The following CHD7 variants were observed in gnomAD, a reference collection of about 807,000 sequenced individuals.
The protein encoded by CHD7 is ATP-dependent chromatin remodeler CHD7.
In CHD7, 24 loss-of-function variants were observed where a neutral mutation model predicts 307.3. The ratio of observed to expected loss-of-function variants is 0.08; its 90% CI spans 0.06 to 0.11. The LOEUF (loss-of-function observed/expected upper bound fraction) is 0.11. CHD7 is among the 10% of genes least tolerant of loss of function. CHD7 has a pLI of 1.00. For missense variants in CHD7, 3,106 were observed against 3,727.1 expected (o/e 0.83, Z 4.34); for synonymous variants, 1,363 against 1,349.9 (o/e 1.01, Z -0.21).
chr8:60,736,558 C>T (rs771943665), intron 1 of CHD7, among the ~76,000 whole-genome samples: 1 of 152,106 alleles, frequency 6.6e-6, no homozygotes, highest in Non-Finnish European at 1.5e-5. Context: ...CCACCCTCAT[C>T]CCCAGAATCA....
At chr8:60,832,960 G>T (rs1384727497) in intron 15 of CHD7, among the ~76,000 whole-genome samples, 1 of 152,192 alleles carries the variant, frequency 6.6e-6, no homozygotes, top group South Asian at 2.1e-4. Context: ...AGGTGTCTTT[G>T]TCCCTAAATT....
At chr8:60,695,852 A>G (rs1446502222) in intron 1 of CHD7, among the ~76,000 whole-genome samples, 1 of 152,200 alleles carries the variant, frequency 6.6e-6, no homozygotes, top group Non-Finnish European at 1.5e-5. Context: ...ATATGGTGAG[A>G]CCTGCACACT....
intron 21 of CHD7, among the ~76,000 whole-genome samples, chr8:60,844,183 G>A (rs575367907): frequency 2.0e-5 from 3 of 152,326 alleles, no homozygotes; most frequent in Admixed American, 2.0e-4. Flanking sequence ...TTTAGCCTGG[G>A]ATTATAACAC....
rs1064794416 is a variant in CHD7 at position 60,795,081 on chromosome 8, C to T, written c.2192C>T (p.Pro731Leu). Residue 731 changes from proline (P) to leucine (L), a missense_variant, in exon 4 of 38, where the codon CCC becomes CTC. By Grantham distance (98) the Pro-to-Leu change is moderately conservative. Coordinates refer to ENST00000423902, the MANE Select transcript of CHD7 (RefSeq NM_017780.4). Reference protein sequence around the residue: ...GSENSDLDKTPPPSPPPEEDE... With the variant: ...GSENSDLDKTLPPSPPPEEDE... ...GAAAATTCAGACTTAGACAAAACAC[C>T]CCCACCATCTCCTCCTCCTGAAGAA... The T allele has an allele frequency of 1.2e-5, 19 of 1,613,474 alleles. No homozygotes were observed. The highest frequency in any genetic ancestry group is 1.6e-5 in the Non-Finnish European group (19 of 1,179,696).
chr8:60,687,691 C>T (rs1223794820), intron 1 of CHD7, among the ~76,000 whole-genome samples: 2 of 152,166 alleles, frequency 1.3e-5, no homozygotes, highest in Non-Finnish European at 1.5e-5. Context: ...GGTAGTTACT[C>T]AGCTGAGTGT....
Position 60,678,821 on chromosome 8 carries a change from G to T in CHD7, c.-436G>T. On this transcript the variant is annotated 5_prime_UTR_variant, in exon 1 of 38. Transcript: ENST00000423902. ...CGGCGGCGGCGGCGGCGCGGGGGTT[G>T]AGTCGTGGTGGTGCGGACGCGCTCG... 6.7e-6 allele frequency: 1 copy of T among 148,540 alleles called. No individual in the cohort carries two copies. Among genetic ancestry groups the T allele is most frequent in the South Asian group, 1.8e-4 (1 of 5,604 alleles). The allele number at this position is 148,540 out of a possible 1,614,324, so 9.2% of individuals were successfully genotyped here. A position where few individuals can be genotyped will look rare whatever the true frequency, so the allele number is the denominator to read the frequency against.
chr8:60,862,724 C>G (rs1806058128), intron 37 of CHD7, 72 bp downstream of exon 37: 1 of 1,015,402 alleles, frequency 9.8e-7, no homozygotes, highest in Non-Finnish European at 1.5e-6. Flanking sequence ...TTCTTATTTT[C>G]TGTTGGCCAT....
At position 60,742,470 on chromosome 8, in the gene CHD7, A is replaced by G. The variant is rs535285405; in HGVS notation, c.1038A>G (p.Arg346=). 1.2e-6 allele frequency: 2 copies of G among 1,614,014 alleles called. No individual in the cohort carries two copies. The highest frequency in any genetic ancestry group is 1.7e-5 in the Admixed American group (1 of 60,024). Residue 346 remains arginine (R), a synonymous_variant, in exon 2 of 38, where the codon AGA becomes AGG. Coordinates refer to ENST00000423902, the MANE Select transcript of CHD7 (RefSeq NM_017780.4). ...CTCCAATGAATCAGTCCGTACCAAG[A>G]TACCCCAATGCTGTAGGATTCCCAT... ...NNTPMNQSVP[R]YPNAVGFPSN...
chr8:60,771,743 A>G (rs987144456), intron 2 of CHD7, among the ~76,000 whole-genome samples: 2 of 144,720 alleles, frequency 1.4e-5, no homozygotes, highest in African/African-American at 2.6e-5. Flanking sequence ...TTCCTATGCT[A>G]TATGACTTGG....
chr8:60,863,868 G>A (rs1276727635), intron 37 of CHD7: 1 of 142,178 alleles, frequency 7.0e-6, no homozygotes, highest in Admixed American at 7.2e-5. Context: ...CCAAGCAGCT[G>A]GCACTACAGG....
At chr8:60,692,579 T>G (rs1671424255) in intron 1 of CHD7, among the ~76,000 whole-genome samples, 1 of 152,244 alleles carries the variant, frequency 6.6e-6, no homozygotes, top group South Asian at 2.1e-4. Flanking sequence ...GGAGGACTTG[T>G]TAGCATAATT....
chr8:60,759,484 T>TCC, intron 2 of CHD7, among the ~76,000 whole-genome samples: 1 of 136,348 alleles, frequency 7.3e-6, no homozygotes, highest in South Asian at 2.7e-4. Context: ...TCTCTCCCTC[T>TCC]CTCCCTCTCC....
Position 60,852,088 on chromosome 8 carries a change from G to T in CHD7, c.5735G>T (p.Arg1912Leu). 6.2e-7 allele frequency: 1 copy of T among 1,613,902 alleles called. No individual in the cohort carries two copies. ...CCTAACACTTCAACCCTGACTACAC[G>T]TCTGCGCCGGCTCATTACTGCCTAT... ...YWPNTSTLTT[R>L]LRRLITAYQR... Residue 1912 changes from arginine to leucine, a missense_variant, in exon 29 of 38, where the codon CGT (arginine) becomes CTT (leucine). By Grantham distance (102) the Arg-to-Leu change is moderately radical (BLOSUM62 -2). Around this residue, in one of 10 missense-constraint regions of CHD7, gnomAD observed 1,030 missense variants for 1,165.4 expected, o/e 0.88. Coordinates refer to ENST00000423902, the MANE Select transcript of CHD7 (RefSeq NM_017780.4).
Position 60,743,049 on chromosome 8 carries a change from G to C in CHD7, c.1617G>C (p.Gln539His). Residue 539 changes from glutamine (Q) to histidine (H), a missense_variant, in exon 2 of 38, where the codon CAG becomes CAC. Coordinates refer to ENST00000423902, the MANE Select transcript of CHD7 (RefSeq NM_017780.4). The part of the protein sequence containing the change: ...PPHPHHQPWA[Q>H]LHPSPQNTPQ... ...ACCCTCATCACCAGCCTTGGGCACA[G>C]CTCCACCCATCACCCCAGAACACCC... 1 of 1,613,952 alleles carries C rather than the reference G, an allele frequency of 6.2e-7. No individual in the cohort carries two copies. The highest frequency in any genetic ancestry group is 8.5e-7 in the Non-Finnish European group (1 of 1,179,880).
chr8:60,727,813 G>A (rs1808248514), intron 1 of CHD7, among the ~76,000 whole-genome samples: 1 of 152,146 alleles, frequency 6.6e-6, no homozygotes, highest in African/African-American at 2.4e-5. Context: ...GGAGAGCTCT[G>A]TGTGAATTTT....
Position 60,742,355 on chromosome 8 carries a change from G to A in CHD7, c.923G>A (p.Gly308Glu), listed in dbSNP as rs1197409311. Residue 308 changes from glycine (G) to glutamate (E), a missense_variant, in exon 2 of 38, where the codon GGG (glycine) becomes GAG (glutamate). This residue lies in a region of CHD7 where 998 missense variants were observed against 1,004.5 expected (regional missense o/e 0.99). Transcript: ENST00000423902. ...CCCTCTCCTACTATAAACAACTCAG[G>A]GCAGTATTCTCGATATCCTTACAGT... is the stretch of plus-strand genomic sequence containing the variant. ...TVPSPTINNS[G>E]QYSRYPYSNL... The A allele has an allele frequency of 6.2e-7, 1 of 1,613,852 alleles. No individual in the cohort carries two copies. The highest frequency in any genetic ancestry group is 1.7e-5 in the Admixed American group (1 of 60,010).
At chr8:60,808,632 G>A (rs1040392745) in intron 7 of CHD7, 3 of 210,850 alleles carry the variant, frequency 1.4e-5, no homozygotes, top group African/African-American at 4.7e-5. Flanking sequence ...CATAGTGTGC[G>A]AGGCCCTAGA....
At chr8:60,806,528 A>G (rs962495172) in intron 6 of CHD7, among the ~76,000 whole-genome samples, 1 of 152,102 alleles carries the variant, frequency 6.6e-6, no homozygotes, top group Non-Finnish European at 1.5e-5. Flanking sequence ...ATTTCTTTTT[A>G]TTTTGGATAA....
intron 2 of CHD7, among the ~76,000 whole-genome samples, chr8:60,776,564 G>T (rs1046339804): frequency 1.3e-5 from 2 of 151,888 alleles, no homozygotes; most frequent in East Asian, 1.9e-4. Context: ...CCTGGTCTCA[G>T]CCTGGGTTAG....
Sources: gnomAD v4.1 joint callset for allele counts (sites outside exome capture counted in the v4.1 genomes callset) on GRCh38, gnomAD v4.1.1 for gene constraint, gnomAD v4.1.1 regional missense constraint, MANE v1.5 for transcripts, NCBI Gene and HGNC (gene_info 2026-07-23, HGNC 2026-07-21) for gene names.